The following CDH12 variants were observed in gnomAD, a reference collection of about 807,000 sequenced individuals.
The protein encoded by CDH12 is cadherin-12.
CDH12 carries 41 observed loss-of-function variants against 74.1 expected under a neutral mutation model. That is an observed-to-expected ratio of 0.55 (90% CI 0.43 to 0.72). CDH12 has a LOEUF of 0.72. Among genes scored for constraint, CDH12 ranks in the 30% least tolerant of loss-of-function variants. The pLI, the probability that CDH12 is intolerant of heterozygous loss-of-function variation, is 0.00. For missense variants in CDH12, 945 were observed against 977.2 expected (o/e 0.97, Z 0.44); for synonymous variants, 399 against 355.0 (o/e 1.12, Z -1.39).
chr5:22,197,885 T>A (rs200962280), intron 4 of CDH12, among the ~76,000 whole-genome samples: 1 of 152,154 alleles, frequency 6.6e-6, no homozygotes, highest in Non-Finnish European at 1.5e-5. Context: ...ACCTTTCTTA[T>A]TTTTTTCTTT....
intron 3 of CDH12, among the ~76,000 whole-genome samples, chr5:22,349,531 T>C (rs967455180): frequency 2.0e-5 from 3 of 152,196 alleles, no homozygotes; most frequent in African/African-American, 7.2e-5. Context: ...ATCCCCTCTT[T>C]CCCAATTCGG....
At chr5:21,871,448 A>G (rs1460608986) in intron 6 of CDH12, among the ~76,000 whole-genome samples, 1 of 152,148 alleles carries the variant, frequency 6.6e-6, no homozygotes, top group Admixed American at 6.5e-5. Flanking sequence ...AATAAAACAA[A>G]TACCGCTGGG....
At chr5:22,797,372 G>GT (rs1748285443) in intron 1 of CDH12, among the ~76,000 whole-genome samples, 1 of 152,068 alleles carries the variant, frequency 6.6e-6, no homozygotes, top group Non-Finnish European at 1.5e-5. Flanking sequence ...TGTAAGCTCT[G>GT]TAGTCCATGG....
intron 2 of CDH12, among the ~76,000 whole-genome samples, chr5:22,487,616 G>A (rs1561441250): frequency 6.6e-6 from 1 of 152,050 alleles, no homozygotes. Context: ...CTGAGTCTAG[G>A]AGCTGTAAAA....
At chr5:22,565,390 T>C (rs1739239304) in intron 1 of CDH12, among the ~76,000 whole-genome samples, 1 of 152,190 alleles carries the variant, frequency 6.6e-6, no homozygotes, top group Non-Finnish European at 1.5e-5. Flanking sequence ...TCTTTTCTCC[T>C]ATAGCAGACA....
chr5:22,284,446 T>C (rs1018242360), intron 3 of CDH12, among the ~76,000 whole-genome samples: 1 of 152,168 alleles, frequency 6.6e-6, no homozygotes, highest in Non-Finnish European at 1.5e-5. Flanking sequence ...ACATGCTTTT[T>C]GGCACAATTC....
At chr5:22,588,533 T>A (rs1485743813) in intron 1 of CDH12, among the ~76,000 whole-genome samples, 1 of 152,182 alleles carries the variant, frequency 6.6e-6, no homozygotes, top group Non-Finnish European at 1.5e-5. Context: ...CATAGGTTAA[T>A]GGTTGAAGTT....
At chr5:22,826,938 C>G (rs1252391570) in intron 1 of CDH12, among the ~76,000 whole-genome samples, 2 of 152,190 alleles carry the variant, frequency 1.3e-5, no homozygotes, top group Admixed American at 1.3e-4. Context: ...GAAATTCAAG[C>G]TGGATGCAGA....
At chr5:22,235,340 G>A (rs1219187228) in intron 3 of CDH12, among the ~76,000 whole-genome samples, 2 of 152,070 alleles carry the variant, frequency 1.3e-5, no homozygotes, top group African/African-American at 2.4e-5. Flanking sequence ...CAGCACTTTG[G>A]GAGGCCAAGG....
At chr5:22,621,151 C>A (rs1330001682) in intron 1 of CDH12, among the ~76,000 whole-genome samples, 1 of 152,184 alleles carries the variant, frequency 6.6e-6, no homozygotes, top group African/African-American at 2.4e-5. Context: ...ATCTTCAAAG[C>A]CAGCAGCATA....
At chr5:21,887,378 T>A (rs1368471208) in intron 6 of CDH12, among the ~76,000 whole-genome samples, 1 of 152,144 alleles carries the variant, frequency 6.6e-6, no homozygotes, top group African/African-American at 2.4e-5. Context: ...ATAACAAATT[T>A]AATATTATAA....
chr5:22,450,034 A>T (rs561347798), intron 2 of CDH12, among the ~76,000 whole-genome samples: 35 of 152,192 alleles, frequency 2.3e-4, no homozygotes, highest in South Asian at 2.1e-4. Flanking sequence ...AATACAATAG[A>T]TTAAACACTC....
intron 2 of CDH12, among the ~76,000 whole-genome samples, chr5:22,425,075 TATAGAGAGAG>T (rs1361550323): frequency 3.4e-4 from 42 of 124,838 alleles, no homozygotes; most frequent in African/African-American, 1.1e-3. Context: ...TATATATATA[TATAGAGAGAG>T]AGAGAGAGAG....
intron 1 of CDH12, among the ~76,000 whole-genome samples, chr5:22,805,752 G>A (rs1442981780): frequency 6.6e-6 from 1 of 152,044 alleles, no homozygotes; most frequent in Admixed American, 6.6e-5. Flanking sequence ...GTAGTTTGCT[G>A]CAACCATCAA....
chr5:22,003,257 A>T (rs573466231), intron 5 of CDH12, among the ~76,000 whole-genome samples: 5 of 152,314 alleles, frequency 3.3e-5, no homozygotes, highest in African/African-American at 1.2e-4. Flanking sequence ...TGTGAACAAC[A>T]TGTGAGCTAG....
intron 1 of CDH12, among the ~76,000 whole-genome samples, chr5:22,567,072 G>A (rs1230133765): frequency 2.6e-5 from 4 of 152,164 alleles, no homozygotes; most frequent in Non-Finnish European, 2.9e-5. Flanking sequence ...ATGGTCCTAT[G>A]CCTTAACTAT....
At chr5:22,107,155 G>C (rs1744495111) in intron 4 of CDH12, among the ~76,000 whole-genome samples, 1 of 149,276 alleles carries the variant, frequency 6.7e-6, no homozygotes, top group South Asian at 2.1e-4. Flanking sequence ...TTTTTAAGAT[G>C]GATTTTTGCT....
chr5:22,554,756 A>G (rs937438845), intron 1 of CDH12, among the ~76,000 whole-genome samples: 3 of 152,094 alleles, frequency 2.0e-5, no homozygotes, highest in Admixed American at 1.3e-4. Context: ...ATTAAACTGC[A>G]TACAGATATT....
At chr5:22,429,102 C>CTATTT (rs546752099) in intron 2 of CDH12, among the ~76,000 whole-genome samples, 7,280 of 144,830 alleles carry the variant, frequency 0.05, 244 homozygotes, top group South Asian at 0.14. Flanking sequence ...CACTTTTATT[C>CTATTT]TATTTTATTT....
Sources: gnomAD v4.1 joint callset for allele counts (sites outside exome capture counted in the v4.1 genomes callset) on GRCh38, gnomAD v4.1.1 for gene constraint, MANE v1.5 for transcripts, NCBI Gene and HGNC (gene_info 2026-07-23, HGNC 2026-07-21) for gene names.